Variants in ATRX observed in about 807,000 individuals in gnomAD.
ATRX encodes ATRX chromatin remodeler, also known as chromatin remodeler ATRX.
ATRX carries 12 observed loss-of-function variants against 172.6 expected under a neutral mutation model. The ratio of observed to expected loss-of-function variants is 0.07; its 90% CI spans 0.04 to 0.11. ATRX has a LOEUF of 0.11. Ranked by LOEUF, ATRX falls within the 10% of genes least tolerant of loss-of-function variation. The pLI is 1.00. For missense variants in ATRX, 1,368 were observed against 1,767.4 expected (o/e 0.77, Z 4.05); for synonymous variants, 674 against 594.7 (o/e 1.13, Z -1.94).
At position 77,599,748 on chromosome X, in the gene ATRX, A is replaced by G; in HGVS notation, c.5770T>C (p.Ser1924Pro). The G allele has an allele frequency of 1.7e-6, 2 of 1,209,418 alleles. No homozygotes were observed. Among genetic ancestry groups the G allele is most frequent in the Non-Finnish European group, 2.2e-6 (2 of 893,679 alleles). Residue 1924 changes from serine (S) to proline (P), a missense_variant, in exon 24 of 35, where the codon TCC becomes CCC. By Grantham distance (74) the Ser-to-Pro change is moderately conservative. Coordinates refer to ENST00000373344, the MANE Select transcript of ATRX (RefSeq NM_000489.6). ...DSDETSMSLS[S>P]DDYTKKKKKG... ...TCGATTTACTTTGTATAATCATCGG[A>G]GCTTAAACTCATGGAGGTTTCATCA...
At chrX:77,757,058 C>T (rs1041203015) in intron 1 of ATRX, among the ~76,000 whole-genome samples, 9 of 111,540 alleles carry the variant, frequency 8.1e-5, no homozygotes, top group African/African-American at 2.3e-4. Flanking sequence ...AGTGCTGGGA[C>T]TACAGGCATG....
At chrX:77,627,501 G>A (rs1420641517) in intron 19 of ATRX, among the ~76,000 whole-genome samples, 2 of 111,125 alleles carry the variant, frequency 1.8e-5, no homozygotes, top group South Asian at 7.6e-4. Flanking sequence ...GGCTGAGGCA[G>A]AAGGATTGCT....
chrX:77,591,941 G>A (rs2066271793), intron 26 of ATRX, among the ~76,000 whole-genome samples: 1 of 111,843 alleles, frequency 8.9e-6, no homozygotes, highest in African/African-American at 3.2e-5. Flanking sequence ...ACTCAGAGAA[G>A]TCTTACAGTA....
chrX:77,607,476 G>A (rs1314148225), intron 22 of ATRX, among the ~76,000 whole-genome samples: 3 of 111,345 alleles, frequency 2.7e-5, no homozygotes, highest in Non-Finnish European at 3.8e-5. Context: ...CACTTTGGGA[G>A]ATCAATGCGG....
intron 27 of ATRX, among the ~76,000 whole-genome samples, chrX:77,586,738 A>G (rs1211393978): frequency 1.8e-5 from 2 of 112,070 alleles, no homozygotes; most frequent in African/African-American, 6.5e-5. Flanking sequence ...AAACGCAGAT[A>G]TAAACTTATG....
chrX:77,624,081 T>C (rs1449837252), intron 19 of ATRX, among the ~76,000 whole-genome samples: 11 of 111,441 alleles, frequency 9.9e-5, no homozygotes, highest in African/African-American at 3.6e-4. Context: ...ATAAAGGGGA[T>C]CTGGGCCGGG....
Position 77,716,110 on chromosome X carries a change from A to ATTTTTT in ATRX, c.133+1015_133+1020dup, listed in dbSNP as rs199639051. 4.4e-3 allele frequency among the ~76,000 whole-genome samples: 239 copies of ATTTTTT among 54,336 alleles called. 18 individuals are homozygous for ATTTTTT. Among genetic ancestry groups the ATTTTTT allele is most frequent in the East Asian group, 0.018 (28 of 1,542 alleles). The allele number at this position is 54,336 out of a possible 115,157, so 47.2% of individuals were successfully genotyped here. On this transcript the variant is annotated intron_variant, in intron 2 of 34. Coordinates refer to ENST00000373344, the MANE Select transcript of ATRX (RefSeq NM_000489.6). ...ACATAGCAAGACCATGTCTCTAAAA[A>ATTTTTT]TTTTTTTTTTTTTTTTTTTTTTTTT...
At chrX:77,742,913 G>A (rs187152572) in intron 1 of ATRX, among the ~76,000 whole-genome samples, 3 of 111,790 alleles carry the variant, frequency 2.7e-5, no homozygotes, top group African/African-American at 9.7e-5. Flanking sequence ...CTAAGCAGCT[G>A]TAACAAGACA....
At chrX:77,516,738 G>T (rs1557039277) in intron 34 of ATRX, among the ~76,000 whole-genome samples, 1 of 111,689 alleles carries the variant, frequency 9.0e-6, no homozygotes, top group African/African-American at 3.3e-5. Context: ...AGACCAAATA[G>T]ATATTTACAG....
At position 77,683,703 on chromosome X, in the gene ATRX, A is replaced by C. The variant is rs2148619941; in HGVS notation, c.1553T>G (p.Val518Gly). ...TTCTGGAACTGAGGAAGGAACAGAC[A>C]CAATATCCATGTCTAAATCTTCAGA... ...NTSEDLDMDI[V>G]SVPSSVPEDI... Residue 518 changes from valine (V) to glycine (G), a missense_variant, in exon 9 of 35, where the codon GTG (valine) becomes GGG (glycine). Val to Gly is a moderately radical substitution (Grantham distance 109, BLOSUM62 -3). Transcript: ENST00000373344. 8.3e-7 allele frequency: 1 copy of C among 1,211,540 alleles called. No individual in the cohort carries two copies. Among genetic ancestry groups the C allele is most frequent in the South Asian group, 1.8e-5 (1 of 56,994 alleles).
intron 10 of ATRX, among the ~76,000 whole-genome samples, chrX:77,665,098 C>T (rs782707573): frequency 1.7e-4 from 19 of 112,324 alleles, no homozygotes; most frequent in Non-Finnish European, 3.4e-4. Flanking sequence ...ATTTGCTTTG[C>T]TGACACCATC....
intron 30 of ATRX, among the ~76,000 whole-genome samples, chrX:77,548,695 T>C (rs782352053): frequency 1.1e-4 from 12 of 112,701 alleles, no homozygotes; most frequent in Non-Finnish European, 1.9e-5. Context: ...TATTTCACAC[T>C]GGTATTAAGA....
chrX:77,534,135 A>C (rs2147817000), intron 30 of ATRX, among the ~76,000 whole-genome samples: 1 of 112,193 alleles, frequency 8.9e-6, no homozygotes, highest in African/African-American at 3.2e-5. Context: ...CGTGCAAGTA[A>C]GTTAACTGGT....
intron 1 of ATRX, among the ~76,000 whole-genome samples, chrX:77,776,195 A>G (rs904290556): frequency 1.8e-5 from 2 of 112,159 alleles, no homozygotes; most frequent in South Asian, 3.6e-4. Flanking sequence ...GCCAAAATGT[A>G]TATTAATAGA....
chrX:77,538,934 C>T (rs1232936303), intron 30 of ATRX, among the ~76,000 whole-genome samples: 3 of 102,394 alleles, frequency 2.9e-5, no homozygotes, highest in East Asian at 3.1e-4. Context: ...CTCACTCTGT[C>T]GCCAGGCTGG....
chrX:77,640,177 G>C (rs1419856543), intron 15 of ATRX, among the ~76,000 whole-genome samples: 1 of 111,494 alleles, frequency 9.0e-6, no homozygotes. Context: ...AACTACTGGA[G>C]GGGGAGGGAA....
intron 30 of ATRX, among the ~76,000 whole-genome samples, chrX:77,547,755 C>T (rs2064301364): frequency 9.0e-6 from 1 of 111,345 alleles, no homozygotes; most frequent in Non-Finnish European, 1.9e-5. Flanking sequence ...TACAACTGAT[C>T]TCTGGGGGAA....
intron 19 of ATRX, among the ~76,000 whole-genome samples, chrX:77,622,695 T>C (rs181092436): frequency 4.5e-5 from 5 of 111,497 alleles, no homozygotes; most frequent in African/African-American, 1.3e-4. Flanking sequence ...CTAAAGCCCT[T>C]TTCTTTTGCA....
At chrX:77,534,988 C>T (rs1557047885) in intron 30 of ATRX, among the ~76,000 whole-genome samples, 1 of 111,544 alleles carries the variant, frequency 9.0e-6, no homozygotes, top group African/African-American at 3.3e-5. Flanking sequence ...ATAAAATCAC[C>T]AGAATACTTA....
Sources: gnomAD v4.1 joint callset for allele counts (sites outside exome capture counted in the v4.1 genomes callset) on GRCh38, gnomAD v4.1.1 for gene constraint, MANE v1.5 for transcripts, NCBI Gene and HGNC (gene_info 2026-07-23, HGNC 2026-07-21) for gene names.